Variants in DPYD observed in about 807,000 individuals in gnomAD.
DPYD encodes the protein dihydropyrimidine dehydrogenase [NADP(+)].
A neutral mutation model predicts 116.2 loss-of-function variants in DPYD; 109 were observed. The observed-to-expected ratio is 0.94, with a 90% CI of 0.80 to 1.10. DPYD has a LOEUF of 1.10. DPYD is among the 50% of genes least tolerant of loss of function. The pLI is 0.00. For missense variants in DPYD, 1,302 were observed against 1,254.5 expected, an observed-to-expected ratio of 1.04 and a Z score of -0.57; for synonymous variants, 440 against 432.0, an observed-to-expected ratio of 1.02 and a Z score of -0.23.
At chr1:97,641,273 G>C (rs920523946) in intron 8 of DPYD, among the ~76,000 whole-genome samples, 29 of 152,142 alleles carry the variant, frequency 1.9e-4, no homozygotes, top group Admixed American at 1.2e-3. Context: ...CTGGTGCAAA[G>C]TACAGGACTG....
At chr1:97,255,268 C>G (rs1276717178) in intron 18 of DPYD, among the ~76,000 whole-genome samples, 1 of 152,168 alleles carries the variant, frequency 6.6e-6, no homozygotes. Context: ...TCCTATATGA[C>G]AAGCTCTAGT....
chr1:97,751,621 A>T (rs1664931240), intron 3 of DPYD, among the ~76,000 whole-genome samples: 1 of 150,822 alleles, frequency 6.6e-6, no homozygotes. Flanking sequence ...CAAAAATGAA[A>T]GAAATTAGCC....
At chr1:97,570,703 T>A (rs1214329838) in intron 11 of DPYD, among the ~76,000 whole-genome samples, 1 of 151,886 alleles carries the variant, frequency 6.6e-6, no homozygotes, top group Non-Finnish European at 1.5e-5. Context: ...TTTAGGTAAA[T>A]CTGATAAGGT....
intron 3 of DPYD, among the ~76,000 whole-genome samples, chr1:97,785,219 G>A (rs999913356): frequency 1.3e-5 from 2 of 152,004 alleles, no homozygotes; most frequent in African/African-American, 4.8e-5. Flanking sequence ...TCCATTGAAC[G>A]TTTAATAATT....
At chr1:97,195,634 G>GTATGTGTATATATA (rs1557929548) in intron 19 of DPYD, among the ~76,000 whole-genome samples, 8 of 57,718 alleles carry the variant, frequency 1.4e-4, no homozygotes, top group South Asian at 6.7e-4. Context: ...ATATGTATGT[G>GTATGTGTATATATA]TATATATATA....
Position 97,173,304 on chromosome 1 carries a change from A to ACATATATACACATATATGTG in DPYD, c.2622+19764_2622+19765insCACATATATGTGTATATATG, listed in dbSNP as rs1553227915. On this transcript the variant is annotated intron_variant, in intron 20 of 22. Transcript: ENST00000370192. The stretch of plus-strand genomic sequence containing the variant: ...CACACATATATGTACACATATGTAC[A>ACATATATACACATATATGTG]TATATATGCACACATATATACACAT... Among the ~76,000 whole-genome samples the ACATATATACACATATATGTG allele has an allele frequency of 3.4e-4, 46 of 135,234 alleles. 1 individual carries two copies. The highest frequency in any genetic ancestry group is 1.1e-3 in the African/African-American group (40 of 35,168). The allele number at this position is 135,234 out of a possible 152,430, so 88.7% of individuals were successfully genotyped here. A position where few individuals can be genotyped will look rare whatever the true frequency, so the allele number is the denominator to read the frequency against.
chr1:97,801,190 A>G (rs55760187), intron 3 of DPYD, among the ~76,000 whole-genome samples: 125,428 of 151,320 alleles, frequency 0.83, 52,167 homozygotes, highest in East Asian at 0.98. Flanking sequence ...AAGCTAGTTA[A>G]TCTCGTTCCA....
At chr1:97,665,659 T>C (rs1659515516) in intron 8 of DPYD, among the ~76,000 whole-genome samples, 1 of 152,260 alleles carries the variant, frequency 6.6e-6, no homozygotes, top group Non-Finnish European at 1.5e-5. Flanking sequence ...GGTATTTTTC[T>C]TATTCAGTAT....
chr1:97,620,851 T>C (rs1239588091), intron 8 of DPYD, among the ~76,000 whole-genome samples: 2 of 152,116 alleles, frequency 1.3e-5, no homozygotes, highest in East Asian at 3.9e-4. Flanking sequence ...AAAATCAGCT[T>C]CCTACTTGTA....
At chr1:97,241,378 C>A (rs969606508) in intron 18 of DPYD, among the ~76,000 whole-genome samples, 2 of 151,902 alleles carry the variant, frequency 1.3e-5, no homozygotes, top group African/African-American at 4.8e-5. Context: ...TGTACTTTAA[C>A]CCTTGTAACT....
At chr1:97,778,301 A>T (rs981967411) in intron 3 of DPYD, among the ~76,000 whole-genome samples, 4 of 152,006 alleles carry the variant, frequency 2.6e-5, no homozygotes, top group African/African-American at 9.7e-5. Context: ...ACATCTCAAA[A>T]TTTAGAAAGC....
chr1:97,464,883 G>A (rs1389608149), intron 13 of DPYD, among the ~76,000 whole-genome samples: 1 of 152,062 alleles, frequency 6.6e-6, no homozygotes, highest in Non-Finnish European at 1.5e-5. Context: ...TGAGAAGAGG[G>A]CCACCATCCT....
At chr1:97,584,146 G>A (rs1653913955) in intron 10 of DPYD, among the ~76,000 whole-genome samples, 2 of 152,142 alleles carry the variant, frequency 1.3e-5, no homozygotes, top group South Asian at 4.1e-4. Context: ...GTTTTGATTT[G>A]CATTTCTCTG....
intron 20 of DPYD, among the ~76,000 whole-genome samples, chr1:97,172,537 T>A (rs1656804727): frequency 6.6e-6 from 1 of 152,194 alleles, no homozygotes. Flanking sequence ...CTTCCATATT[T>A]TGGTATCAAA....
At chr1:97,122,515 C>T (rs1041316580) in intron 20 of DPYD, among the ~76,000 whole-genome samples, 9 of 152,078 alleles carry the variant, frequency 5.9e-5, no homozygotes, top group African/African-American at 2.2e-4. Flanking sequence ...AAAGACTTCC[C>T]ATCAGAGACT....
rs1653638169 is a variant in DPYD, at chr1:97,581,177, A to ACAAAT, written c.1129-7208_1129-7207insATTTG. Among the ~76,000 whole-genome samples, 4 of 151,606 alleles carry ACAAAT rather than the reference A, an allele frequency of 2.6e-5. No homozygotes were observed. In the East Asian group the frequency reaches 7.8e-4, roughly 30 times the overall value. On this transcript the variant is annotated intron_variant, in intron 10 of 22. Transcript: ENST00000370192. ...CAACAACAACAACAACAACAACAAA[A>ACAAAT]ATTAGCTGGGGTGGTGGCGGGCGCC...
chr1:97,219,973 C>A (rs1034085896), intron 19 of DPYD, among the ~76,000 whole-genome samples: 5 of 152,118 alleles, frequency 3.3e-5, no homozygotes, highest in Non-Finnish European at 1.5e-5. Flanking sequence ...ACTTGTATAA[C>A]TACGCCTTGA....
At chr1:97,394,391 A>G (rs896659189) in intron 14 of DPYD, 7 of 151,970 alleles carry the variant, frequency 4.6e-5, no homozygotes, top group African/African-American at 1.7e-4. Context: ...ATATTGTCGC[A>G]TCTCAGGGAA....
rs144611971 is a variant in DPYD, at chr1:97,485,295, G to A, written c.1740+30431C>T. Among the ~76,000 whole-genome samples, 467 of 152,068 alleles carry A rather than the reference G, an allele frequency of 3.1e-3. 4 individuals carry two copies. The highest frequency in any genetic ancestry group is 0.01 in the African/African-American group (428 of 41,422). ...TGGCTCACTGCAACCTCCACCTCCC[G>A]GGTTCAAGCAATTTTCATGCCTCAG... On this transcript the variant is annotated intron_variant, in intron 13 of 22. Coordinates refer to ENST00000370192, the MANE Select transcript of DPYD (RefSeq NM_000110.4).
Sources: gnomAD v4.1 joint callset for allele counts (sites outside exome capture counted in the v4.1 genomes callset) on GRCh38, gnomAD v4.1.1 for gene constraint, MANE v1.5 for transcripts, NCBI Gene and HGNC (gene_info 2026-07-23, HGNC 2026-07-21) for gene names.